Variants in CUX2 observed in about 807,000 individuals in gnomAD.
CUX2 encodes homeobox protein cut-like 2.
Under a neutral mutation model 144.8 loss-of-function variants are expected in CUX2, and 40 were observed. The observed-to-expected ratio is 0.28, with a 90% CI of 0.21 to 0.36. The LOEUF (loss-of-function observed/expected upper bound fraction) is 0.36, where lower values mean the gene tolerates loss of function less well. Among genes scored for constraint, CUX2 ranks in the 10% least tolerant of loss-of-function variants. The probability of loss-of-function intolerance (pLI) is 1.00; values close to 1 mark genes in which losing one functional copy is unlikely to be tolerated. For synonymous variants in CUX2, 827 were observed against 875.6 expected (o/e 0.94, Z 0.98); for missense variants, 1,615 against 1,994.0 (o/e 0.81, Z 3.62).
chr12:111,150,564 T>G (rs1876973485), intron 1 of CUX2, among the ~76,000 whole-genome samples: 1 of 152,100 alleles, frequency 6.6e-6, no homozygotes. Context: ...GATGAGTGGG[T>G]GTGGACAGGA....
chr12:111,189,678 C>T (rs1015393896), intron 1 of CUX2, among the ~76,000 whole-genome samples: 3 of 152,136 alleles, frequency 2.0e-5, no homozygotes, highest in Admixed American at 6.6e-5. Context: ...GCTTCTCAAA[C>T]GTTAATGTAC....
At position 111,236,868 on chromosome 12, in the gene CUX2, G is replaced by T. The variant is rs141788112; in HGVS notation, c.222+18931G>T. Among the ~76,000 whole-genome samples the T allele has an allele frequency of 4.6e-3, 700 of 152,298 alleles. 3 individuals are homozygous for T. Among genetic ancestry groups the T allele is most frequent in the South Asian group, 0.021 (100 of 4,828 alleles). The stretch of plus-strand genomic sequence containing the variant: ...GTTGCCTCCTAAAAGCGGCAAAAGC[G>T]GCTGGGTGCAGTGGCTCATGCCTGT... On this transcript the variant is annotated intron_variant, in intron 3 of 21. Coordinates refer to ENST00000261726, the MANE Select transcript of CUX2 (RefSeq NM_015267.4).
intron 1 of CUX2, among the ~76,000 whole-genome samples, chr12:111,096,544 A>G (rs1039850522): frequency 6.6e-6 from 1 of 152,150 alleles, no homozygotes; most frequent in Non-Finnish European, 1.5e-5. Context: ...GAGGCCCCAT[A>G]GCCATCCCGT....
chr12:111,338,264 T>G (rs777454481), intron 19 of CUX2, 22 bp from the exon 20 acceptor site: 2 of 1,581,162 alleles, frequency 1.3e-6, no homozygotes, highest in Non-Finnish European at 1.7e-6. Context: ...GGTAACAGAT[T>G]GCTCCCCTCC....
intron 1 of CUX2, 151 bp from the exon 2 acceptor site, chr12:111,214,049 G>A: frequency 2.5e-6 from 1 of 399,364 alleles, no homozygotes; most frequent in Admixed American, 4.5e-5. Flanking sequence ...ATTTATTTGT[G>A]CCAGGAGTCA....
At chr12:111,096,855 G>C (rs112542606) in intron 1 of CUX2, among the ~76,000 whole-genome samples, 2 of 152,210 alleles carry the variant, frequency 1.3e-5, no homozygotes, top group African/African-American at 4.8e-5. Flanking sequence ...GTGGGCACCT[G>C]TAATCCCGGC....
intron 1 of CUX2, among the ~76,000 whole-genome samples, chr12:111,106,871 G>A (rs1311117620): frequency 2.6e-5 from 4 of 152,232 alleles, no homozygotes; most frequent in Non-Finnish European, 4.4e-5. Flanking sequence ...AAGAAGGACA[G>A]GGGACAACCT....
rs7953078 is a variant in CUX2, at chr12:111,260,357, G to A, written c.223-3404G>A. On this transcript the variant is annotated intron_variant, in intron 3 of 21. Coordinates refer to ENST00000261726, the MANE Select transcript of CUX2 (RefSeq NM_015267.4). ...CGGGCGCCTGTAATCCCAGCTACTCGGGAGGCTGAGGCAGGAGGATGGCGT... is the reference window on the plus strand; with the variant it reads ...CGGGCGCCTGTAATCCCAGCTACTCAGGAGGCTGAGGCAGGAGGATGGCGT... 6.0e-3 allele frequency among the ~76,000 whole-genome samples: 907 copies of A among 150,466 alleles called. 10 individuals are homozygous for A. The highest frequency in any genetic ancestry group is 0.021 in the African/African-American group (874 of 40,982).
chr12:111,111,606 A>C (rs778345221), intron 1 of CUX2, among the ~76,000 whole-genome samples: 1 of 152,194 alleles, frequency 6.6e-6, no homozygotes, highest in Non-Finnish European at 1.5e-5. Flanking sequence ...TTCAGCATGC[A>C]TAAGAATCTC....
chr12:111,243,871 C>T (rs1883148899), intron 3 of CUX2, among the ~76,000 whole-genome samples: 1 of 152,122 alleles, frequency 6.6e-6, no homozygotes, highest in Admixed American at 6.5e-5. Flanking sequence ...CTGTCCATCC[C>T]TTCCTGTATG....
chr12:111,095,611 T>C (rs1010748120), intron 1 of CUX2, among the ~76,000 whole-genome samples: 5 of 152,116 alleles, frequency 3.3e-5, no homozygotes, highest in Non-Finnish European at 5.9e-5. Context: ...CCATTTTAAG[T>C]CTCAGTTTCC....
At chr12:111,062,094 G>A (rs1270671304) in intron 1 of CUX2, among the ~76,000 whole-genome samples, 1 of 152,228 alleles carries the variant, frequency 6.6e-6, no homozygotes, top group Non-Finnish European at 1.5e-5. Flanking sequence ...TAGCACTTCT[G>A]CTATAGCCGC....
At chr12:111,169,323 A>G (rs544591862) in intron 1 of CUX2, among the ~76,000 whole-genome samples, 14 of 152,274 alleles carry the variant, frequency 9.2e-5, no homozygotes, top group Non-Finnish European at 1.6e-4. Flanking sequence ...CAGCCCTGCC[A>G]GCCCACACCT....
At chr12:111,254,213 A>G (rs1017763190) in intron 3 of CUX2, among the ~76,000 whole-genome samples, 2 of 152,038 alleles carry the variant, frequency 1.3e-5, no homozygotes, top group Admixed American at 1.3e-4. Context: ...AAGCACAAAC[A>G]CCTCCTTTCA....
At chr12:111,121,994 A>G (rs1169649552) in intron 1 of CUX2, among the ~76,000 whole-genome samples, 2 of 151,970 alleles carry the variant, frequency 1.3e-5, no homozygotes, top group Non-Finnish European at 2.9e-5. Flanking sequence ...GCTCATATCA[A>G]AACACCATCC....
At chr12:111,099,308 C>T in intron 1 of CUX2, 1 of 330,212 alleles carries the variant, frequency 3.0e-6, no homozygotes, top group Non-Finnish European at 6.0e-6. Flanking sequence ...TCCGGGTGAG[C>T]AGGGTGTGGC....
intron 1 of CUX2, among the ~76,000 whole-genome samples, chr12:111,058,023 C>T (rs1336439439): frequency 5.3e-5 from 8 of 152,140 alleles, no homozygotes; most frequent in African/African-American, 1.4e-4. Flanking sequence ...CAATTTTTCA[C>T]GGTAACCAGG....
intron 19 of CUX2, among the ~76,000 whole-genome samples, chr12:111,335,184 A>C (rs1387827737): frequency 6.6e-6 from 1 of 152,218 alleles, no homozygotes; most frequent in Non-Finnish European, 1.5e-5. Context: ...TGAGGTCAGC[A>C]GTTCGAGACC....
chr12:111,165,205 C>A (rs568844826), intron 1 of CUX2, among the ~76,000 whole-genome samples: 1 of 152,072 alleles, frequency 6.6e-6, no homozygotes, highest in Non-Finnish European at 1.5e-5. Flanking sequence ...ATCCTATATG[C>A]CATTTTATTA....
Sources: gnomAD v4.1 joint callset for allele counts (sites outside exome capture counted in the v4.1 genomes callset) on GRCh38, gnomAD v4.1.1 for gene constraint, MANE v1.5 for transcripts, NCBI Gene and HGNC (gene_info 2026-07-23, HGNC 2026-07-21) for gene names.